The following MAP4K3 variants were observed in gnomAD, a reference collection of about 807,000 sequenced individuals.
MAP4K3 encodes MAPK/ERK kinase kinase kinase 3.
MAP4K3 carries 94 observed loss-of-function variants against 143.5 expected under a neutral mutation model. The observed-to-expected ratio is 0.65, with a 90% confidence interval of 0.55 to 0.78. MAP4K3 has a LOEUF of 0.78. Ranked by LOEUF, MAP4K3 falls within the 30% of genes least tolerant of loss-of-function variation. The pLI, the probability that MAP4K3 is intolerant of heterozygous loss-of-function variation, is 0.00. For missense variants in MAP4K3, 1,077 were observed against 1,068.1 expected (o/e 1.01, Z -0.12); for synonymous variants, 416 against 347.2 (o/e 1.20, Z -2.20).
intron 1 of MAP4K3, among the ~76,000 whole-genome samples, chr2:39,407,350 A>AG (rs1667124322): frequency 6.6e-6 from 1 of 151,716 alleles, no homozygotes; most frequent in South Asian, 2.1e-4. Flanking sequence ...AACAACTTAA[A>AG]GGAAAAAAAA....
At chr2:39,255,291 G>A (rs1277072770) in intron 31 of MAP4K3, among the ~76,000 whole-genome samples, 1 of 152,126 alleles carries the variant, frequency 6.6e-6, no homozygotes, top group Non-Finnish European at 1.5e-5. Flanking sequence ...CTTGAGGGTA[G>A]ACACCCATAG....
chr2:39,339,052 G>A (rs778040761), intron 4 of MAP4K3, among the ~76,000 whole-genome samples: 1 of 152,216 alleles, frequency 6.6e-6, no homozygotes, highest in Non-Finnish European at 1.5e-5. Context: ...AAAAGTGGGA[G>A]AGACTATTCT....
intron 1 of MAP4K3, among the ~76,000 whole-genome samples, chr2:39,399,148 T>C (rs1046351583): frequency 6.6e-6 from 1 of 151,726 alleles, no homozygotes; most frequent in Non-Finnish European, 1.5e-5. Context: ...CAATTAAAAC[T>C]AAAGAACGTA....
intron 1 of MAP4K3, among the ~76,000 whole-genome samples, chr2:39,380,570 T>C (rs1666332985): frequency 2.0e-5 from 3 of 152,252 alleles, no homozygotes; most frequent in African/African-American, 2.4e-5. Context: ...ATATGTAACA[T>C]AAAATGTTCA....
intron 1 of MAP4K3, among the ~76,000 whole-genome samples, chr2:39,394,768 T>C (rs567687656): frequency 8.0e-4 from 122 of 152,332 alleles, no homozygotes; most frequent in Non-Finnish European, 1.5e-3. Flanking sequence ...GTGGTTATGA[T>C]GCCAAGGATA....
At chr2:39,327,327 A>T (rs1683526642) in intron 8 of MAP4K3, among the ~76,000 whole-genome samples, 1 of 152,230 alleles carries the variant, frequency 6.6e-6, no homozygotes, top group African/African-American at 2.4e-5. Flanking sequence ...TTATAAAAAC[A>T]AGTGTCTACT....
intron 1 of MAP4K3, among the ~76,000 whole-genome samples, chr2:39,414,977 C>T (rs558672665): frequency 2.5e-4 from 38 of 152,166 alleles, no homozygotes; most frequent in African/African-American, 9.2e-4. Flanking sequence ...AATTAAACCA[C>T]CAACTTCATA....
At chr2:39,343,264 C>A (rs1660067372) in intron 4 of MAP4K3, 124 bp downstream of exon 4, 8 of 587,452 alleles carry the variant, frequency 1.4e-5, no homozygotes, top group South Asian at 3.2e-5. Context: ...TTTATATAGC[C>A]AAACAATATA....
At chr2:39,397,819 G>A (rs537973591) in intron 1 of MAP4K3, among the ~76,000 whole-genome samples, 1 of 152,258 alleles carries the variant, frequency 6.6e-6, no homozygotes, top group South Asian at 2.1e-4. Flanking sequence ...CTTAGAAACA[G>A]AGGAGATAAT....
chr2:39,400,307 AC>A (rs1310473982), intron 1 of MAP4K3, among the ~76,000 whole-genome samples: 9 of 152,164 alleles, frequency 5.9e-5, no homozygotes, highest in African/African-American at 2.2e-4. Flanking sequence ...TCTTGACTCT[AC>A]CATCCTTGCA....
rs1159313494 is a variant in MAP4K3 at position 39,299,787 on chromosome 2, T to C, written c.1134A>G (p.Glu378=). 2.5e-6 allele frequency: 4 copies of C among 1,574,666 alleles called. No homozygotes were observed. Among genetic ancestry groups the C allele is most frequent in the Non-Finnish European group, 3.4e-6 (4 of 1,161,128 alleles). ...AACCACCTTGGTGTCCTTGTCCATA[T>C]TCCAGTTGCAGATCCTAATAGTACA... The part of the protein sequence containing the change: ...TARSNLDLQL[E]YGQGHQGGYF... The change falls in exon 16 of 34, where the codon GAA becomes GAG. Residue 378 remains glutamate, a synonymous_variant. Coordinates refer to ENST00000263881, the MANE Select transcript of MAP4K3 (RefSeq NM_003618.4).
chr2:39,309,383 G>T, intron 14 of MAP4K3, 78 bp downstream of exon 14: 6 of 1,042,710 alleles, frequency 5.8e-6, no homozygotes, highest in Non-Finnish European at 8.4e-6. Flanking sequence ...AGCTTTTTTG[G>T]TCAGTACTAA....
chr2:39,334,446 GA>G (rs67072398), intron 6 of MAP4K3, among the ~76,000 whole-genome samples: 101,133 of 151,222 alleles, frequency 0.67, 37,437 homozygotes, highest in Non-Finnish European at 0.82. Context: ...GGGTTGGGGA[GA>G]AAAAAAAAGG....
In MAP4K3 at chr2:39,368,810, C is replaced by A. The variant is rs577168174; in HGVS notation, c.154+9256G>T. Among the ~76,000 whole-genome samples, 4 of 152,330 alleles carry A rather than the reference C, an allele frequency of 2.6e-5. No homozygotes were observed. In the East Asian group the frequency reaches 7.7e-4, roughly 29 times the overall value. On this transcript the variant is annotated intron_variant, in intron 2 of 33. Transcript: ENST00000263881. ...ATAATTTTTTTTAGCAGCTCCTGATCTGTTCTTGAGGTTACATAGGCATAA... is the reference window on the plus strand; with the variant it reads ...ATAATTTTTTTTAGCAGCTCCTGATATGTTCTTGAGGTTACATAGGCATAA...
intron 22 of MAP4K3, among the ~76,000 whole-genome samples, chr2:39,281,428 C>T (rs1296531459): frequency 1.3e-5 from 2 of 152,162 alleles, no homozygotes; most frequent in African/African-American, 4.8e-5. Context: ...CAAGTAGTAG[C>T]AGACCAATAG....
At chr2:39,429,913 T>C (rs779316153) in intron 1 of MAP4K3, among the ~76,000 whole-genome samples, 1 of 152,228 alleles carries the variant, frequency 6.6e-6, no homozygotes, top group African/African-American at 2.4e-5. Flanking sequence ...ACATGTGTAC[T>C]GTCAACTGAT....
chr2:39,379,527 T>C (rs1029557195), intron 1 of MAP4K3, among the ~76,000 whole-genome samples: 3 of 152,032 alleles, frequency 2.0e-5, no homozygotes, highest in African/African-American at 4.8e-5. Flanking sequence ...AATGATGAAA[T>C]AGAAATAAAA....
rs769099426 is a variant in MAP4K3 at position 39,265,255 on chromosome 2, C to T, written c.2084G>A (p.Ser695Asn). ...HKYLCGALQTSIVLLEWVEPM... is the reference protein window; with the variant it reads ...HKYLCGALQTNIVLLEWVEPM... ...TTCAACCCATTCTAATAGAACAATG[C>T]TAGTCTGAAGTGCTCCACATAGGTA... The change falls in exon 28 of 34, where the codon AGC (serine) becomes AAC (asparagine). Residue 695 changes from serine to asparagine, a missense_variant. Ser to Asn is a conservative substitution (Grantham distance 46). Transcript: ENST00000263881. The T allele has an allele frequency of 3.1e-6, 5 of 1,613,650 alleles. No individual in the cohort carries two copies. Among genetic ancestry groups the T allele is most frequent in the Non-Finnish European group, 4.2e-6 (5 of 1,179,700 alleles).
At chr2:39,354,495 A>G (rs1017000861) in intron 3 of MAP4K3, among the ~76,000 whole-genome samples, 1 of 151,454 alleles carries the variant, frequency 6.6e-6, no homozygotes, top group African/African-American at 2.4e-5. Flanking sequence ...GCGTGTGCCT[A>G]TCGTCCTAGC....
Sources: gnomAD v4.1 joint callset for allele counts (sites outside exome capture counted in the v4.1 genomes callset) on GRCh38, gnomAD v4.1.1 for gene constraint, MANE v1.5 for transcripts, NCBI Gene and HGNC (gene_info 2026-07-23, HGNC 2026-07-21) for gene names.